The following DLGAP2 variants were observed in gnomAD, a reference collection of about 807,000 sequenced individuals.
DLGAP2 encodes disks large-associated protein 2.
DLGAP2 carries 26 observed loss-of-function variants against 100.3 expected under a neutral mutation model. The ratio of observed to expected loss-of-function variants is 0.26; its 90% CI spans 0.19 to 0.36. DLGAP2 has a LOEUF of 0.36. DLGAP2 is among the 10% of genes least tolerant of loss of function. DLGAP2 has a pLI of 1.00. For synonymous variants in DLGAP2, 886 were observed against 630.1 expected (o/e 1.41, Z -6.08); for missense variants, 1,858 against 1,453.2 (o/e 1.28, Z -4.53).
chr8:840,407 C>T (rs1220141032), intron 1 of DLGAP2, among the ~76,000 whole-genome samples: 22 of 105,232 alleles, frequency 2.1e-4, no homozygotes, highest in South Asian at 3.6e-4. Flanking sequence ...CGAGCGCGTC[C>T]ACATGGTGCA....
intron 3 of DLGAP2, among the ~76,000 whole-genome samples, chr8:1,469,287 A>G (rs1798714334): frequency 1.3e-5 from 2 of 152,212 alleles, no homozygotes; most frequent in Non-Finnish European, 2.9e-5. Context: ...TCCCAGGACA[A>G]CACCTTGCGG....
chr8:1,518,386 G>A (rs1260743806), intron 4 of DLGAP2, among the ~76,000 whole-genome samples: 1 of 152,168 alleles, frequency 6.6e-6, no homozygotes, highest in Non-Finnish European at 1.5e-5. Flanking sequence ...ACCGAGTGGA[G>A]GTTTAAGATG....
rs553747074 is a variant in DLGAP2 at position 802,037 on chromosome 8, T to A, written c.18+64212T>A. Among the ~76,000 whole-genome samples the A allele has an allele frequency of 6.0e-4, 90 of 149,456 alleles. 1 individual carries two copies. The highest frequency in any genetic ancestry group is 2.2e-3 in the African/African-American group (89 of 40,414). The stretch of plus-strand genomic sequence containing the variant: ...GTCCGCACCCCTCCTGGGCCCTCCA[T>A]CCTCACGGCCTGGGGAACAGTCTGC... On this transcript the variant is annotated intron_variant, in intron 1 of 14. Transcript: ENST00000637795.
intron 3 of DLGAP2, among the ~76,000 whole-genome samples, chr8:1,409,897 C>G (rs1014289949): frequency 6.6e-6 from 1 of 152,178 alleles, no homozygotes. Flanking sequence ...TACACCTGAC[C>G]CCGTGGGTCT....
At chr8:1,579,645 T>C (rs1285069494) in intron 6 of DLGAP2, among the ~76,000 whole-genome samples, 1 of 152,170 alleles carries the variant, frequency 6.6e-6, no homozygotes. Context: ...AAGCAAAGAC[T>C]ATTCATCTAC....
chr8:1,189,440 T>A (rs577297991), intron 2 of DLGAP2, among the ~76,000 whole-genome samples: 1 of 152,158 alleles, frequency 6.6e-6, no homozygotes, highest in South Asian at 2.1e-4. Flanking sequence ...GGAAGAGGAG[T>A]GGTCACCACC....
intron 8 of DLGAP2, among the ~76,000 whole-genome samples, chr8:1,637,637 T>C (rs762822291): frequency 2.8e-4 from 42 of 152,318 alleles, no homozygotes; most frequent in Non-Finnish European, 5.0e-4. Context: ...TATATGCCAA[T>C]TGAAGATTCT....
intron 2 of DLGAP2, among the ~76,000 whole-genome samples, chr8:1,164,561 A>G (rs952078075): frequency 6.6e-6 from 1 of 151,998 alleles, no homozygotes; most frequent in African/African-American, 2.4e-5. Flanking sequence ...GATGCTGCCC[A>G]AGTACTTGTG....
chr8:1,589,378 G>A (rs1242594390), intron 6 of DLGAP2, among the ~76,000 whole-genome samples: 3 of 152,184 alleles, frequency 2.0e-5, no homozygotes, highest in East Asian at 1.9e-4. Context: ...CAATAATTCT[G>A]TGTGTTTCAA....
chr8:1,628,207 C>A (rs1350326335), intron 7 of DLGAP2, among the ~76,000 whole-genome samples: 1 of 123,680 alleles, frequency 8.1e-6, no homozygotes. Context: ...GAATTAAGAG[C>A]CTGAGCTGAC....
At chr8:1,263,164 A>G (rs1468557120) in intron 3 of DLGAP2, among the ~76,000 whole-genome samples, 1 of 152,220 alleles carries the variant, frequency 6.6e-6, no homozygotes, top group Non-Finnish European at 1.5e-5. Context: ...TTCTTTAGCA[A>G]TCGAGGCCTC....
intron 6 of DLGAP2, among the ~76,000 whole-genome samples, chr8:1,598,443 C>T (rs1796525875): frequency 6.6e-6 from 1 of 152,154 alleles, no homozygotes; most frequent in African/African-American, 2.4e-5. Context: ...GGAATGGTAC[C>T]AGCTCCTCTT....
rs533024149 is a variant in DLGAP2, at chr8:976,038, C to G, written c.73+68072C>G. On this transcript the variant is annotated intron_variant, in intron 2 of 14. Transcript: ENST00000637795. The stretch of plus-strand genomic sequence containing the variant: ...TTATTATACAGAAGTCAGTTATTTT[C>G]CTATACACCAGCAATAAAAAATTGG... 5.9e-5 allele frequency among the ~76,000 whole-genome samples: 9 copies of G among 152,196 alleles called. No homozygotes were observed. The East Asian group carries it at 7.7e-4, about 13-fold the overall frequency.
chr8:840,432 C>T (rs1401864666), intron 1 of DLGAP2, among the ~76,000 whole-genome samples: 1 of 132,720 alleles, frequency 7.5e-6, no homozygotes, highest in East Asian at 2.5e-4. Context: ...TGCACTTTTC[C>T]CCACACTCTG....
intron 1 of DLGAP2, among the ~76,000 whole-genome samples, chr8:858,033 CT>C (rs1797315230): frequency 6.6e-6 from 1 of 152,114 alleles, no homozygotes. Context: ...CCATGCCCGG[CT>C]AATTTTGTAT....
At chr8:1,471,695 A>G (rs1798799628) in intron 3 of DLGAP2, among the ~76,000 whole-genome samples, 2 of 141,166 alleles carry the variant, frequency 1.4e-5, no homozygotes, top group South Asian at 4.4e-4. Flanking sequence ...TGCCTCTTCA[A>G]GACCAAGAAG....
At chr8:1,517,623 G>A (rs568553978) in intron 4 of DLGAP2, among the ~76,000 whole-genome samples, 1 of 152,276 alleles carries the variant, frequency 6.6e-6, no homozygotes, top group African/African-American at 2.4e-5. Context: ...CCGAATGCAG[G>A]CACACACCTG....
At chr8:1,343,581 A>G (rs1443013872) in intron 3 of DLGAP2, among the ~76,000 whole-genome samples, 1 of 152,218 alleles carries the variant, frequency 6.6e-6, no homozygotes, top group Non-Finnish European at 1.5e-5. Context: ...GCTGGTCAAA[A>G]CCAGAACTTT....
chr8:1,286,693 A>G (rs897232133), intron 3 of DLGAP2, among the ~76,000 whole-genome samples: 1 of 152,188 alleles, frequency 6.6e-6, no homozygotes, highest in Non-Finnish European at 1.5e-5. Context: ...ACAGTAACAT[A>G]TCTCCAAGGC....
Sources: gnomAD v4.1 joint callset for allele counts (sites outside exome capture counted in the v4.1 genomes callset) on GRCh38, gnomAD v4.1.1 for gene constraint, MANE v1.5 for transcripts, NCBI Gene and HGNC (gene_info 2026-07-23, HGNC 2026-07-21) for gene names.